The following BSPRY variants were observed in gnomAD, a reference collection of about 807,000 sequenced individuals.
The protein encoded by BSPRY is B-box and SPRY domain containing.
A neutral mutation model predicts 38.0 loss-of-function variants in BSPRY; 33 were observed. The observed-to-expected ratio is 0.87, with a 90% confidence interval of 0.66 to 1.16. BSPRY has a LOEUF of 1.16. Ranked by LOEUF, BSPRY falls within the 50% of genes most tolerant of loss-of-function variation. The pLI is 0.00. For missense variants in BSPRY, 523 were observed against 533.2 expected (o/e 0.98, Z 0.19); for synonymous variants, 224 against 228.5 (o/e 0.98, Z 0.18).
chr9:113,355,536 A>G (rs1270755539), intron 2 of BSPRY, among the ~76,000 whole-genome samples: 1 of 151,138 alleles, frequency 6.6e-6, no homozygotes, highest in African/African-American at 2.4e-5. Context: ...CTTCTTCTTT[A>G]TCCTTTTTAT....
intron 1 of BSPRY, among the ~76,000 whole-genome samples, chr9:113,353,373 G>A (rs1834000393): frequency 6.6e-6 from 1 of 151,938 alleles, no homozygotes; most frequent in South Asian, 2.1e-4. Context: ...CGACAAGCAA[G>A]ACTCTATCTC....
intron 5 of BSPRY, among the ~76,000 whole-genome samples, chr9:113,368,926 A>T (rs1834294947): frequency 6.6e-6 from 1 of 152,072 alleles, no homozygotes; most frequent in Admixed American, 6.6e-5. Flanking sequence ...AGTTAGATGG[A>T]AGCTTCCATT....
Position 113,362,361 on chromosome 9 carries a change from T to C in BSPRY, c.532-8T>C, listed in dbSNP as rs921479222. 9 of 1,614,034 alleles carry C rather than the reference T, an allele frequency of 5.6e-6. No homozygotes were observed. In the African/African-American group the frequency reaches 1.2e-4, roughly 22 times the overall value. On this transcript the variant is annotated splice_polypyrimidine_tract_variant and splice_region_variant and intron_variant, in intron 3 of 5. Coordinates refer to ENST00000374183, the MANE Select transcript of BSPRY (RefSeq NM_017688.3). ...TGCCAAGCTTGACTTTGTTTTCTTT[T>C]CTCACAGCAGAAGGAGCAAGAGATT...
Position 113,354,344 on chromosome 9 carries a change from T to C in BSPRY, c.300+6T>C. On this transcript the variant is annotated splice_donor_region_variant and intron_variant, in intron 2 of 5. Transcript: ENST00000374183. ...GGAAGAATCAAAGAGCAGTGGTAAT[T>C]CCTCTTCTTTCCTCTCTACTCAGCC... 6.2e-7 allele frequency: 1 copy of C among 1,609,140 alleles called. No individual in the cohort carries two copies. Among genetic ancestry groups the C allele is most frequent in the Non-Finnish European group, 8.5e-7 (1 of 1,175,620 alleles).
At chr9:113,351,649 T>TGGAG (rs906595645) in intron 1 of BSPRY, among the ~76,000 whole-genome samples, 13 of 152,306 alleles carry the variant, frequency 8.5e-5, no homozygotes, top group Admixed American at 2.0e-4. Flanking sequence ...GGGGGAACAG[T>TGGAG]GGAGGGACTG....
chr9:113,368,936 T>C (rs977967670), intron 5 of BSPRY, among the ~76,000 whole-genome samples: 3 of 152,002 alleles, frequency 2.0e-5, no homozygotes, highest in African/African-American at 2.4e-5. Context: ...AAGCTTCCAT[T>C]CTCCCAATGG....
chr9:113,366,404 C>G (rs1236009546), intron 4 of BSPRY, among the ~76,000 whole-genome samples: 1 of 152,216 alleles, frequency 6.6e-6, no homozygotes, highest in Non-Finnish European at 1.5e-5. Context: ...CGGAAACTCA[C>G]TTATCTGAGA....
chr9:113,353,814 CAT>C (rs1233061251), intron 1 of BSPRY, among the ~76,000 whole-genome samples: 1 of 152,206 alleles, frequency 6.6e-6, no homozygotes, highest in African/African-American at 2.4e-5. Flanking sequence ...TCACCAGCAA[CAT>C]ATAATGATTC....
chr9:113,356,348 C>CA (rs1045796896), intron 2 of BSPRY, among the ~76,000 whole-genome samples: 3 of 151,800 alleles, frequency 2.0e-5, no homozygotes, highest in African/African-American at 7.3e-5. Flanking sequence ...ACTAAAAATA[C>CA]AAAAAAATTA....
chr9:113,354,390 A>C, intron 2 of BSPRY, 52 bp downstream of exon 2: 1 of 1,489,518 alleles, frequency 6.7e-7, no homozygotes. Flanking sequence ...ATAAGGCCTT[A>C]GACTTAGGGA....
At chr9:113,356,318 C>T (rs181960880) in intron 2 of BSPRY, among the ~76,000 whole-genome samples, 10 of 152,120 alleles carry the variant, frequency 6.6e-5, no homozygotes, top group African/African-American at 1.9e-4. Flanking sequence ...TCCTGGCTAA[C>T]GCGGTGAAAC....
chr9:113,367,354 C>G (rs1834268331), intron 4 of BSPRY, among the ~76,000 whole-genome samples: 1 of 152,154 alleles, frequency 6.6e-6, no homozygotes, highest in Non-Finnish European at 1.5e-5. Context: ...AACCCAGCCC[C>G]CATTGTGAGC....
At chr9:113,362,893 G>C (rs1386290522) in intron 4 of BSPRY, among the ~76,000 whole-genome samples, 1 of 152,192 alleles carries the variant, frequency 6.6e-6, no homozygotes, top group African/African-American at 2.4e-5. Flanking sequence ...AATTTCACCA[G>C]GTCCTGCCTG....
At position 113,351,424 on chromosome 9, in the gene BSPRY, T is replaced by C. The variant is rs76633248; in HGVS notation, c.201+1644T>C. Among the ~76,000 whole-genome samples, 1,239 of 152,330 alleles carry C rather than the reference T, an allele frequency of 8.1e-3. 25 individuals are homozygous for C. Among genetic ancestry groups the C allele is most frequent in the African/African-American group, 0.028 (1,169 of 41,574 alleles). On this transcript the variant is annotated intron_variant, in intron 1 of 5. Transcript: ENST00000374183. ...TTCTACTGCTCTCCTACCTCTGGAT[T>C]CCTGCCCTGTGGTTTTTCAGAAGCC...
chr9:113,368,089 CTT>C (rs1834279654), intron 4 of BSPRY, among the ~76,000 whole-genome samples, 168 bp from the exon 5 acceptor site: 1 of 152,134 alleles, frequency 6.6e-6, no homozygotes, highest in East Asian at 1.9e-4. Context: ...CACATCAGGC[CTT>C]CCAAAGTGCT....
intron 2 of BSPRY, among the ~76,000 whole-genome samples, chr9:113,358,965 C>A (rs1174647479): frequency 3.9e-5 from 6 of 152,016 alleles, no homozygotes; most frequent in Admixed American, 2.6e-4. Context: ...GAGTTCAAAG[C>A]TGCAGTGAGC....
intron 4 of BSPRY, 93 bp from the exon 5 acceptor site, chr9:113,368,166 G>T: frequency 6.6e-7 from 1 of 1,509,292 alleles, no homozygotes; most frequent in Non-Finnish European, 9.1e-7. Flanking sequence ...CCTGATAGGA[G>T]ATTTTACTTC....
rs1834037285 is a variant in BSPRY at position 113,355,153 on chromosome 9, G to A, written c.300+815G>A. 2.0e-5 allele frequency among the ~76,000 whole-genome samples: 3 copies of A among 152,182 alleles called. No homozygotes were observed. In the South Asian group the frequency reaches 6.2e-4, roughly 32 times the overall value. ...ATTACAGGTGTGAGCCGCCATGCCT[G>A]GCCTCCACTGCAGATTTTTTTATTC... On this transcript the variant is annotated intron_variant, in intron 2 of 5. Coordinates refer to ENST00000374183, the MANE Select transcript of BSPRY (RefSeq NM_017688.3).
chr9:113,359,621 A>G (rs893583965), intron 2 of BSPRY, among the ~76,000 whole-genome samples: 2 of 152,244 alleles, frequency 1.3e-5, no homozygotes, highest in Admixed American at 6.5e-5. Flanking sequence ...ATTGGTTGCC[A>G]GGTGGCATCT....
Sources: gnomAD v4.1 joint callset for allele counts (sites outside exome capture counted in the v4.1 genomes callset) on GRCh38, gnomAD v4.1.1 for gene constraint, MANE v1.5 for transcripts, NCBI Gene and HGNC (gene_info 2026-07-23, HGNC 2026-07-21) for gene names.